The following PHEX variants were observed in gnomAD, a reference collection of about 807,000 sequenced individuals.
The protein encoded by PHEX is phosphate regulating endopeptidase X-linked.
PHEX carries 16 observed loss-of-function variants against 68.0 expected under a neutral mutation model. The ratio of observed to expected loss-of-function variants is 0.24; its 90% CI spans 0.16 to 0.36. The LOEUF is 0.36. Ranked by LOEUF, PHEX falls within the 10% of genes least tolerant of loss-of-function variation. PHEX has a pLI of 1.00. For synonymous variants in PHEX, 208 were observed against 205.1 expected (o/e 1.01, Z -0.12); for missense variants, 480 against 575.5 (o/e 0.83, Z 1.70).
chrX:22,057,000 C>A (rs1463368104), intron 3 of PHEX, among the ~76,000 whole-genome samples: 1 of 110,224 alleles, frequency 9.1e-6, no homozygotes, highest in African/African-American at 3.3e-5. Flanking sequence ...ATTTTAAATA[C>A]TTCATTTTAA....
intron 9 of PHEX, among the ~76,000 whole-genome samples, chrX:22,110,644 C>T (rs1930921962): frequency 1.0e-5 from 1 of 96,744 alleles, no homozygotes; most frequent in African/African-American, 3.8e-5. Flanking sequence ...GAGTTCATGT[C>T]CTTTGTAGGG....
At chrX:22,239,501 T>A (rs961794349) in intron 20 of PHEX, among the ~76,000 whole-genome samples, 1 of 110,541 alleles carries the variant, frequency 9.0e-6, no homozygotes, top group African/African-American at 3.3e-5. Flanking sequence ...GAAAACAGGT[T>A]AGAGGAACTG....
chrX:22,124,588 G>A (rs1931636924), intron 11 of PHEX, among the ~76,000 whole-genome samples: 1 of 112,256 alleles, frequency 8.9e-6, no homozygotes, highest in Non-Finnish European at 1.9e-5. Flanking sequence ...TTTACCCACA[G>A]CCAAAGGCTA....
intron 11 of PHEX, among the ~76,000 whole-genome samples, chrX:22,128,539 C>A (rs1173048042): frequency 1.8e-5 from 2 of 110,855 alleles, no homozygotes; most frequent in Non-Finnish European, 3.8e-5. Context: ...TCAAAGAGAA[C>A]AGGAGCAAAA....
intron 15 of PHEX, among the ~76,000 whole-genome samples, chrX:22,201,951 T>C (rs1934572564): frequency 9.7e-6 from 1 of 103,373 alleles, no homozygotes; most frequent in South Asian, 4.1e-4. Flanking sequence ...CTCATTTGTC[T>C]TCTCTTTAAA....
chrX:22,249,455 A>AAAAAAAAAAAAAT lies in PHEX; in HGVS notation c.*1503_*1504insAAAAAAAAAAATA. 1 of 39,756 alleles carries AAAAAAAAAAAAAT rather than the reference A, an allele frequency of 2.5e-5. No individual in the cohort carries two copies. Among genetic ancestry groups the AAAAAAAAAAAAAT allele is most frequent in the African/African-American group, 1.7e-4 (1 of 6,015 alleles). The allele number at this position is 39,756 out of a possible 1,213,427, so 3.3% of individuals were successfully genotyped here. ...TTGTGATTCTTTTAAAAAAAAAAAAAATATATATATATATATATATATATA... is the reference window on the plus strand; with the variant it reads ...TTGTGATTCTTTTAAAAAAAAAAAAAAAAAAAAAAAAATATATATATATATATATATATATATA... On this transcript the variant is annotated 3_prime_UTR_variant, in exon 22 of 22. Coordinates refer to ENST00000379374, the MANE Select transcript of PHEX (RefSeq NM_000444.6).
intron 20 of PHEX, among the ~76,000 whole-genome samples, chrX:22,232,134 CTGTT>C (rs764269468): frequency 2.3e-4 from 26 of 111,727 alleles, no homozygotes; most frequent in South Asian, 7.5e-4. Context: ...GTCTGAGAGA[CTGTT>C]TGTTATGATT....
At chrX:22,117,765 G>A (rs750737487) in intron 11 of PHEX, among the ~76,000 whole-genome samples, 2 of 110,976 alleles carry the variant, frequency 1.8e-5, no homozygotes, top group African/African-American at 6.5e-5. Flanking sequence ...ATGTACGTGG[G>A]GGTAGTTTGG....
At chrX:22,170,821 T>A (rs1305731098) in intron 13 of PHEX, among the ~76,000 whole-genome samples, 1 of 112,533 alleles carries the variant, frequency 8.9e-6, no homozygotes, top group East Asian at 2.8e-4. Flanking sequence ...ACCCATTGAA[T>A]GCAATATCTT....
At chrX:22,041,241 A>ATCTCTCTCTCTCTCTC (rs778017024) in intron 2 of PHEX, among the ~76,000 whole-genome samples, 8 of 51,150 alleles carry the variant, frequency 1.6e-4, no homozygotes, top group African/African-American at 5.7e-4. Flanking sequence ...TTCTTAAGTG[A>ATCTCTCTCTCTCTCTC]TCTCTCTCTC....
At chrX:22,243,114 A>G (rs1936279774) in intron 20 of PHEX, among the ~76,000 whole-genome samples, 1 of 112,098 alleles carries the variant, frequency 8.9e-6, no homozygotes, top group Non-Finnish European at 1.9e-5. Flanking sequence ...CAGAGCCCTC[A>G]GAAATAACAC....
At chrX:22,184,364 C>A (rs760866309) in intron 14 of PHEX, among the ~76,000 whole-genome samples, 1 of 110,269 alleles carries the variant, frequency 9.1e-6, no homozygotes, top group Non-Finnish European at 1.9e-5. Flanking sequence ...ATGAGTTAAT[C>A]GAGTGGGGAT....
rs771208171 is a variant in PHEX at position 22,077,660 on chromosome X, T to C, written c.621T>C (p.Tyr207=). The stretch of plus-strand genomic sequence containing the variant: ...GCAATTCTGTGTTCATCCGTTTGTA[T>C]GTGTCCCCTGATGACAAAGCATCCA... The part of the protein sequence containing the change: ...QYSNSVFIRL[Y]VSPDDKASNE... Residue 207 remains tyrosine (Y), a synonymous_variant, in exon 5 of 22, where the codon TAT becomes TAC. Coordinates refer to ENST00000379374, the MANE Select transcript of PHEX (RefSeq NM_000444.6). 2.5e-6 allele frequency: 3 copies of C among 1,207,332 alleles called. No individual in the cohort carries two copies. The East Asian group carries it at 8.9e-5, about 36-fold the overall frequency.
chrX:22,249,456 ATATATATATATATAT>A lies in PHEX; in HGVS notation c.*1504_*1518del, dbSNP rs1159274766. On this transcript the variant is annotated 3_prime_UTR_variant, in exon 22 of 22. Coordinates refer to ENST00000379374, the MANE Select transcript of PHEX (RefSeq NM_000444.6). ...TGTGATTCTTTTAAAAAAAAAAAAA[ATATATATATATATAT>A]ATATATATATATATATGTATATCTA... 49 of 31,184 alleles carry A rather than the reference ATATATATATATATAT, an allele frequency of 1.6e-3. 2 individuals are homozygous for A. Among genetic ancestry groups the A allele is most frequent in the Admixed American group, 0.011 (34 of 3,005 alleles). The allele number at this position is 31,184 out of a possible 1,213,427, so 2.6% of individuals were successfully genotyped here. A position where few individuals can be genotyped will look rare whatever the true frequency, so the allele number is the denominator to read the frequency against.
intron 12 of PHEX, among the ~76,000 whole-genome samples, chrX:22,136,039 T>A (rs1602326707): frequency 4.6e-5 from 2 of 43,823 alleles, no homozygotes; most frequent in Admixed American, 2.0e-4. Flanking sequence ...AGATGTAAAT[T>A]TTTTTTTTTT....
intron 9 of PHEX, among the ~76,000 whole-genome samples, chrX:22,108,249 A>G (rs956537063): frequency 2.7e-5 from 3 of 111,672 alleles, no homozygotes; most frequent in Non-Finnish European, 3.8e-5. Flanking sequence ...TCCTAACAAG[A>G]TCCATTGGGT....
At chrX:22,120,447 C>T (rs1348260289) in intron 11 of PHEX, among the ~76,000 whole-genome samples, 1 of 111,438 alleles carries the variant, frequency 9.0e-6, no homozygotes, top group Admixed American at 9.6e-5. Flanking sequence ...TATTAAGATC[C>T]TAAAAGGGCA....
intron 12 of PHEX, among the ~76,000 whole-genome samples, chrX:22,162,388 C>T (rs1341935533): frequency 8.9e-6 from 1 of 112,257 alleles, no homozygotes; most frequent in Non-Finnish European, 1.9e-5. Context: ...GGACCTATGA[C>T]TAAAAGAGTG....
rs766157839 is a variant in PHEX at position 22,246,748 on chromosome X, T to C, written c.2148-1103T>C. On this transcript the variant is annotated intron_variant, in intron 21 of 21. Coordinates refer to ENST00000379374, the MANE Select transcript of PHEX (RefSeq NM_000444.6). Reference sequence around the variant, plus strand: ...ACTATGAAATATGCATCCCTACCCATATATTCAGCTAAAACAACAAGAGGT... The same window carrying C: ...ACTATGAAATATGCATCCCTACCCACATATTCAGCTAAAACAACAAGAGGT... Among the ~76,000 whole-genome samples the C allele has an allele frequency of 4.5e-5, 5 of 112,231 alleles. 1 individual carries two copies. Among genetic ancestry groups the C allele is most frequent in the South Asian group, 3.7e-4 (1 of 2,729 alleles).
Sources: allele counts gnomAD v4.1 joint callset (sites outside exome capture counted in the v4.1 genomes callset), GRCh38; gene constraint gnomAD v4.1.1; transcripts MANE v1.5; gene names NCBI Gene and HGNC (gene_info 2026-07-23, HGNC 2026-07-21).